The following HDAC4 variants were observed in gnomAD, a reference collection of about 807,000 sequenced individuals.
HDAC4 encodes histone deacetylase 4.
Under a neutral mutation model 135.1 loss-of-function variants are expected in HDAC4, and 16 were observed. The observed-to-expected ratio is 0.12, with a 90% CI of 0.08 to 0.18. The LOEUF is 0.18. HDAC4 is among the 10% of genes least tolerant of loss of function. The probability of loss-of-function intolerance (pLI) is 1.00; values close to 1 mark genes in which losing one functional copy is unlikely to be tolerated. For missense variants in HDAC4, 1,143 were observed against 1,511.8 expected (o/e 0.76, Z 4.05); for synonymous variants, 685 against 653.4 (o/e 1.05, Z -0.74).
chr2:239,357,373 T>C (rs1225275598), intron 1 of HDAC4, among the ~76,000 whole-genome samples: 2 of 151,840 alleles, frequency 1.3e-5, no homozygotes, highest in Non-Finnish European at 2.9e-5. Context: ...AATGCCTGTA[T>C]TAGAAAAGAA....
Position 239,306,186 on chromosome 2 carries a change from TC to T in HDAC4, c.22+46491del, listed in dbSNP as rs980339351. ...GGCACCCCAGCTCTTCCCTGGGAAG[TC>T]ATTTTCCTGAATAGATCTGACTTCC... On this transcript the variant is annotated intron_variant, in intron 2 of 26. Coordinates refer to ENST00000543185, the MANE Select transcript of HDAC4 (RefSeq NM_001378414.1). The surrounding 1 kb of genome is among the most constrained non-coding windows in gnomAD (Gnocchi z 4.5). Among the ~76,000 whole-genome samples, 2 of 152,168 alleles carry T rather than the reference TC, an allele frequency of 1.3e-5. No homozygotes were observed. The highest frequency in any genetic ancestry group is 2.9e-5 in the Non-Finnish European group (2 of 68,022).
chr2:239,392,802 G>A (rs1265868751), intron 1 of HDAC4, among the ~76,000 whole-genome samples: 3 of 152,204 alleles, frequency 2.0e-5, no homozygotes, highest in Non-Finnish European at 1.5e-5. Flanking sequence ...CCTGCTGGGG[G>A]CCCACTTTCT....
intron 2 of HDAC4, among the ~76,000 whole-genome samples, chr2:239,347,844 C>T (rs976351788): frequency 1.4e-4 from 21 of 152,162 alleles, no homozygotes; most frequent in African/African-American, 4.6e-4. Flanking sequence ...AAACATTATC[C>T]GTACCTCGCA....
chr2:239,321,338 G>A (rs866343012), intron 2 of HDAC4, among the ~76,000 whole-genome samples: 6 of 151,820 alleles, frequency 4.0e-5, no homozygotes, highest in African/African-American at 7.3e-5. Flanking sequence ...GGTGGCGGGC[G>A]CCTGTAGTCC....
At chr2:239,079,667 C>T (rs993029877) in intron 22 of HDAC4, among the ~76,000 whole-genome samples, 10 of 152,232 alleles carry the variant, frequency 6.6e-5, no homozygotes, top group African/African-American at 7.2e-5. Flanking sequence ...CTGCCGGAGA[C>T]GTGCATACTC....
chr2:239,076,857 C>T (rs3791366), intron 22 of HDAC4, among the ~76,000 whole-genome samples: 47,066 of 151,992 alleles, frequency 0.31, 7,604 homozygotes, highest in Admixed American at 0.44. Context: ...TCCACCCCCA[C>T]CTGAACCTTC....
chr2:239,377,027 G>A (rs1208658318), intron 1 of HDAC4, among the ~76,000 whole-genome samples: 3 of 152,052 alleles, frequency 2.0e-5, no homozygotes, highest in African/African-American at 4.8e-5. Flanking sequence ...TGCCAGACAC[G>A]GTCACTTGGA....
intron 2 of HDAC4, among the ~76,000 whole-genome samples, chr2:239,291,725 A>G (rs1442980305): frequency 6.6e-6 from 1 of 152,222 alleles, no homozygotes; most frequent in Non-Finnish European, 1.5e-5. Flanking sequence ...GGGGAAGGGC[A>G]ATATCTATGT....
chr2:239,342,173 A>G (rs1212999803), intron 2 of HDAC4, among the ~76,000 whole-genome samples: 1 of 152,160 alleles, frequency 6.6e-6, no homozygotes, highest in East Asian at 1.9e-4. Context: ...AAACAACCAC[A>G]TTATGGAAGC....
rs891995994 is a variant in HDAC4 at position 239,087,431 on chromosome 2, C to T, written c.2444+128G>A. ...CAGGAGCTGGAGCCAAGCCGGCATG[C>T]GGCACATCCTGGGTGGCCAGCAAAC... On this transcript the variant is annotated intron_variant, in intron 19 of 26. Transcript: ENST00000543185. The T allele has an allele frequency of 1.0e-4, 89 of 876,274 alleles. 1 individual carries two copies. Among genetic ancestry groups the T allele is most frequent in the African/African-American group, 5.6e-4 (34 of 60,246 alleles). 54.3% of individuals were successfully genotyped at this position (876,274 alleles called of 1,614,324 possible). A position where few individuals can be genotyped will look rare whatever the true frequency, so the allele number is the denominator to read the frequency against.
At chr2:239,082,011 C>T in intron 21 of HDAC4, 91 bp downstream of exon 21, 2 of 1,423,530 alleles carry the variant, frequency 1.4e-6, no homozygotes, top group Non-Finnish European at 2.0e-6. Context: ...CTCACTGCTG[C>T]CGGGCAGCTG....
In HDAC4 at chr2:239,372,021, G is replaced by A. The variant is rs146279435; in HGVS notation, c.-219-19103C>T. On this transcript the variant is annotated intron_variant, in intron 1 of 26. Transcript: ENST00000543185. Reference sequence around the variant, plus strand: ...GCTGCAAAGCAGACCAGGGCAGGGCGCGTGGGTGGCTGCTCGGCCAGAGGC... The same window carrying A: ...GCTGCAAAGCAGACCAGGGCAGGGCACGTGGGTGGCTGCTCGGCCAGAGGC... 5.3e-3 allele frequency among the ~76,000 whole-genome samples: 806 copies of A among 152,344 alleles called. 7 individuals carry two copies. The highest frequency in any genetic ancestry group is 0.018 in the African/African-American group (753 of 41,582).
intron 3 of HDAC4, among the ~76,000 whole-genome samples, chr2:239,213,606 C>T (rs945418656): frequency 1.3e-5 from 2 of 152,176 alleles, no homozygotes; most frequent in African/African-American, 4.8e-5. Flanking sequence ...GGAGAGTGGC[C>T]GGAGCCACTA....
rs984469283 is a variant in HDAC4, at chr2:239,050,542, C to T, written c.*2555G>A. 5.9e-5 allele frequency: 9 copies of T among 152,666 alleles called. No individual in the cohort carries two copies. Among genetic ancestry groups the T allele is most frequent in the African/African-American group, 2.2e-4 (9 of 41,472 alleles). The allele number at this position is 152,666 out of a possible 1,614,324, so 9.5% of individuals were successfully genotyped here. ...GGGAAAGTCAAACAAGTCCCAAGACCGTTCTGCCTGCTCTCAAACCACTGT... is the reference window on the plus strand; with the variant it reads ...GGGAAAGTCAAACAAGTCCCAAGACTGTTCTGCCTGCTCTCAAACCACTGT... On this transcript the variant is annotated 3_prime_UTR_variant, in exon 27 of 27. Coordinates refer to ENST00000543185, the MANE Select transcript of HDAC4 (RefSeq NM_001378414.1).
At chr2:239,356,907 A>C (rs1693525376) in intron 1 of HDAC4, among the ~76,000 whole-genome samples, 1 of 152,196 alleles carries the variant, frequency 6.6e-6, no homozygotes, top group African/African-American at 2.4e-5. Context: ...CATAAGAAGA[A>C]ATGGACAAAT....
intron 2 of HDAC4, among the ~76,000 whole-genome samples, chr2:239,251,668 T>A (rs975766021): frequency 1.3e-5 from 2 of 152,160 alleles, no homozygotes; most frequent in African/African-American, 4.8e-5. Context: ...CTGCTTGAGA[T>A]GCCCCAATCT....
intron 15 of HDAC4, among the ~76,000 whole-genome samples, chr2:239,106,811 C>T (rs765687715): frequency 9.8e-5 from 15 of 152,330 alleles, no homozygotes; most frequent in East Asian, 5.8e-4. Flanking sequence ...CTCCGTGCCA[C>T]GCCAGCTCCA....
chr2:239,336,076 CA>C (rs1469172446), intron 2 of HDAC4, among the ~76,000 whole-genome samples: 1 of 152,146 alleles, frequency 6.6e-6, no homozygotes, highest in East Asian at 1.9e-4. Context: ...CTATAAGCCA[CA>C]ATATCAATAA....
At chr2:239,384,864 G>A (rs1419730420) in intron 1 of HDAC4, among the ~76,000 whole-genome samples, 1 of 152,140 alleles carries the variant, frequency 6.6e-6, no homozygotes. Flanking sequence ...ATCAGCCCTC[G>A]GACCAAGCAC....
Sources: allele counts gnomAD v4.1 joint callset (sites outside exome capture counted in the v4.1 genomes callset), GRCh38; gene constraint gnomAD v4.1.1; non-coding constraint Gnocchi (gnomAD v3.1); transcripts MANE v1.5; gene names NCBI Gene and HGNC (gene_info 2026-07-23, HGNC 2026-07-21).